The following TRAPPC3 variants were observed in gnomAD, a reference collection of about 807,000 sequenced individuals.
The protein encoded by TRAPPC3 is trafficking protein particle complex subunit 3.
Under a neutral mutation model 18.2 loss-of-function variants are expected in TRAPPC3, and 5 were observed. The observed-to-expected ratio is 0.28, with a 90% CI of 0.14 to 0.58. The LOEUF (loss-of-function observed/expected upper bound fraction) is 0.58. Ranked by LOEUF, TRAPPC3 falls within the 20% of genes least tolerant of loss-of-function variation. The pLI is 0.91. For synonymous variants in TRAPPC3, 65 were observed against 84.2 expected, an observed-to-expected ratio of 0.77 and a Z score of 1.25; for missense variants, 176 against 225.9, an observed-to-expected ratio of 0.78 and a Z score of 1.41.
chr1:36,137,934 A>G lies in TRAPPC3; in HGVS notation c.285T>C (p.Asn95=). Residue 95 remains asparagine, a synonymous_variant, in exon 4 of 5, where the codon AAT becomes AAC. Transcript: ENST00000373166. ...MYLGITPSIT[N]WSPAGDEFSL... is the part of the protein sequence containing the mutation. ...AGAATTCATCACCAGCTGGGCTCCAATTAGTAATGCTTGGAGTGATGCCCA... is the reference window on the plus strand; with the variant it reads ...AGAATTCATCACCAGCTGGGCTCCAGTTAGTAATGCTTGGAGTGATGCCCA... 1 of 1,614,174 alleles carries G rather than the reference A, an allele frequency of 6.2e-7. No individual in the cohort carries two copies. The highest frequency in any genetic ancestry group is 8.5e-7 in the Non-Finnish European group (1 of 1,180,014).
exon 1 of TRAPPC3, chr1:36,155,928 G>C (rs1341401790): frequency 1.3e-5 from 2 of 153,246 alleles, no homozygotes; most frequent in Non-Finnish European, 2.9e-5. Flanking sequence ...GGACGCAGGG[G>C]GAGGCAGCTA....
At position 36,149,473 on chromosome 1, in the gene TRAPPC3, G is replaced by T; in HGVS notation, c.-95C>A. On this transcript the variant is annotated 5_prime_UTR_variant, in exon 1 of 5. Transcript: ENST00000373166. The stretch of plus-strand genomic sequence containing the variant: ...TAAGCCGCTGCCCCTCAGCCCACAA[G>T]ACCGACCGGCACTGACTCACTGCGC... 2.0e-6 allele frequency: 3 copies of T among 1,509,438 alleles called. No individual in the cohort carries two copies. The highest frequency in any genetic ancestry group is 2.7e-6 in the Non-Finnish European group (3 of 1,109,096). 93.5% of individuals were successfully genotyped at this position (1,509,438 alleles called of 1,614,324 possible).
rs151291487 is a variant in TRAPPC3 at position 36,137,351 on chromosome 1, A to G, written c.424-29T>C. 127 of 1,597,764 alleles carry G rather than the reference A, an allele frequency of 7.9e-5. No homozygotes were observed. In the African/African-American group the frequency reaches 1.2e-3, roughly 16 times the overall value. On this transcript the variant is annotated intron_variant, in intron 4 of 4. Coordinates refer to ENST00000373166, the MANE Select transcript of TRAPPC3 (RefSeq NM_014408.5). ...GGGGACAGTGGGAAAACGAAGGGGT[A>G]GCTGCCTGGCCACAGCCTCTAGGGA... is the stretch of plus-strand genomic sequence containing the variant.
intron 1 of TRAPPC3, among the ~76,000 whole-genome samples, chr1:36,147,909 T>C (rs968549003): frequency 5.3e-5 from 8 of 152,108 alleles, no homozygotes; most frequent in Non-Finnish European, 8.8e-5. Flanking sequence ...GATTTCAATA[T>C]TGATTTCAGG....
intron 1 of TRAPPC3, chr1:36,155,448 C>G (rs1488594624): frequency 6.6e-6 from 1 of 151,052 alleles, no homozygotes; most frequent in African/African-American, 2.4e-5. Flanking sequence ...TTGGCGGGGT[C>G]GTCTGGTGGG....
chr1:36,148,143 C>T (rs563307072), intron 1 of TRAPPC3, among the ~76,000 whole-genome samples: 48 of 152,300 alleles, frequency 3.2e-4, no homozygotes, highest in African/African-American at 1.1e-3. Flanking sequence ...TTCCCCTTAC[C>T]TGACATTGTT....
intron 1 of TRAPPC3, among the ~76,000 whole-genome samples, chr1:36,142,261 A>G (rs1171188341): frequency 6.6e-6 from 1 of 152,232 alleles, no homozygotes; most frequent in Admixed American, 6.5e-5. Flanking sequence ...CAAATATGGC[A>G]ATTAAGGGGA....
intron 1 of TRAPPC3, among the ~76,000 whole-genome samples, chr1:36,147,014 G>A (rs1249337132): frequency 6.6e-6 from 1 of 152,208 alleles, no homozygotes; most frequent in African/African-American, 2.4e-5. Context: ...TATGTGGAGT[G>A]TACTTTCATT....
chr1:36,138,363 CTG>C, intron 3 of TRAPPC3: 1 of 1,070,854 alleles, frequency 9.3e-7, no homozygotes, highest in African/African-American at 1.6e-5. Context: ...TGTCCTCTGT[CTG>C]TGCTACCTGA....
At chr1:36,139,474 C>G (rs1165641149) in intron 3 of TRAPPC3, 2 of 486,890 alleles carry the variant, frequency 4.1e-6, no homozygotes, top group African/African-American at 2.0e-5. Context: ...ATTCTTTACC[C>G]CCATGCTACT....
At chr1:36,147,412 C>G (rs1570102025) in intron 1 of TRAPPC3, among the ~76,000 whole-genome samples, 1 of 151,386 alleles carries the variant, frequency 6.6e-6, no homozygotes, top group African/African-American at 2.4e-5. Context: ...GTTGGAGGGA[C>G]TGCTTGAGCC....
chr1:36,149,719 C>T (rs1644254088), upstream of TRAPPC3, among the ~76,000 whole-genome samples: 1 of 152,236 alleles, frequency 6.6e-6, no homozygotes, highest in Non-Finnish European at 1.5e-5. Flanking sequence ...CCGCAGCCTT[C>T]GGTAATCCTG....
At chr1:36,154,283 G>T (rs1644293568), upstream of TRAPPC3, among the ~76,000 whole-genome samples, 1 of 152,136 alleles carries the variant, frequency 6.6e-6, no homozygotes, top group African/African-American at 2.4e-5. Context: ...GGATTACAGT[G>T]TGAGCCACCA....
chr1:36,138,160 T>A (rs1439961394), intron 3 of TRAPPC3, 182 bp from the exon 4 acceptor site: 2 of 1,551,472 alleles, frequency 1.3e-6, no homozygotes, highest in Admixed American at 3.9e-5. Flanking sequence ...GCTGCACCCC[T>A]CTCCTTCACG....
chr1:36,146,170 C>A (rs1197258009), intron 1 of TRAPPC3, among the ~76,000 whole-genome samples: 2 of 149,940 alleles, frequency 1.3e-5, no homozygotes, highest in East Asian at 4.0e-4. Context: ...CCTCCACCTC[C>A]CGGGTTCAAG....
At chr1:36,137,587 G>C in intron 4 of TRAPPC3, 2 of 650,666 alleles carry the variant, frequency 3.1e-6, no homozygotes, top group Non-Finnish European at 2.6e-6. Context: ...TTTGGGGACT[G>C]ACAGCACCAC....
At chr1:36,148,560 A>G (rs148628475) in intron 1 of TRAPPC3, among the ~76,000 whole-genome samples, 2 of 134,184 alleles carry the variant, frequency 1.5e-5, no homozygotes, top group Non-Finnish European at 3.1e-5. Context: ...GTGCCACTGC[A>G]CTCCACCCCG....
chr1:36,149,609 C>T, upstream of TRAPPC3: 1 of 600,998 alleles, frequency 1.7e-6, no homozygotes, highest in South Asian at 1.9e-5. Flanking sequence ...GGCAGCACCG[C>T]CTCTTAACAC....
At chr1:36,139,083 A>G (rs974945701) in intron 3 of TRAPPC3, among the ~76,000 whole-genome samples, 1 of 151,706 alleles carries the variant, frequency 6.6e-6, no homozygotes, top group African/African-American at 2.4e-5. Context: ...GTCACTGGTA[A>G]TTAAAGAAAT....
Sources: allele counts gnomAD v4.1 joint callset (sites outside exome capture counted in the v4.1 genomes callset), GRCh38; gene constraint gnomAD v4.1.1; transcripts MANE v1.5; gene names NCBI Gene and HGNC (gene_info 2026-07-23, HGNC 2026-07-21).